Variants in CTNND2 observed in about 807,000 individuals in gnomAD.
CTNND2 encodes the protein catenin delta-2.
In CTNND2, 22 loss-of-function variants were observed where a neutral mutation model predicts 144.4. That is an observed-to-expected ratio of 0.15 (90% CI 0.11 to 0.22). CTNND2 has a LOEUF of 0.22. Ranked by LOEUF, CTNND2 falls within the 10% of genes least tolerant of loss-of-function variation. CTNND2 has a pLI of 1.00. For synonymous variants in CTNND2, 751 were observed against 695.6 expected (o/e 1.08, Z -1.25); for missense variants, 1,353 against 1,618.8 (o/e 0.84, Z 2.82).
intron 2 of CTNND2, among the ~76,000 whole-genome samples, chr5:11,710,659 A>T (rs912514552): frequency 1.3e-5 from 2 of 152,196 alleles, no homozygotes; most frequent in Non-Finnish European, 2.9e-5. Context: ...CAGATCTAGG[A>T]AACAGGAACT....
At chr5:11,338,607 C>G (rs887818320) in intron 9 of CTNND2, among the ~76,000 whole-genome samples, 1 of 152,192 alleles carries the variant, frequency 6.6e-6, no homozygotes, top group Non-Finnish European at 1.5e-5. Context: ...GATTGCCTGT[C>G]TCTCATTACT....
intron 2 of CTNND2, among the ~76,000 whole-genome samples, chr5:11,592,034 C>T (rs1387111500): frequency 1.3e-5 from 2 of 150,992 alleles, no homozygotes; most frequent in Non-Finnish European, 2.9e-5. Flanking sequence ...CTTCATAGAG[C>T]TTCATCTCTC....
At position 11,903,461 on chromosome 5, in the gene CTNND2, A is replaced by G; in HGVS notation, c.37+356T>C. The G allele has an allele frequency of 2.7e-6, 2 of 749,326 alleles. No individual in the cohort carries two copies. Among genetic ancestry groups the G allele is most frequent in the East Asian group, 1.2e-4 (1 of 8,634 alleles). The allele number at this position is 749,326 out of a possible 1,614,324, so 46.4% of individuals were successfully genotyped here. A position where few individuals can be genotyped will look rare whatever the true frequency, so the allele number is the denominator to read the frequency against. On this transcript the variant is annotated intron_variant, in intron 1 of 21. Transcript: ENST00000304623. This position sits in a 1 kb window ranked among gnomAD's most constrained non-coding sequence, Gnocchi z 5.4. ...CCCCGTCTCCTCCCGTATATTAGGG[A>G]CGTCATGAATGCACCGAGTATGTTC...
chr5:11,527,546 C>T (rs1335557985), intron 3 of CTNND2, among the ~76,000 whole-genome samples: 3 of 152,172 alleles, frequency 2.0e-5, no homozygotes, highest in African/African-American at 7.2e-5. Context: ...AGCCCCTTCC[C>T]TTTATCTCCA....
intron 4 of CTNND2, 134 bp from the exon 5 acceptor site, chr5:11,411,786 T>A: frequency 2.8e-6 from 2 of 726,378 alleles, no homozygotes; most frequent in Non-Finnish European, 4.5e-6. Flanking sequence ...GCTATTCCAT[T>A]TTAATTTTTG....
intron 7 of CTNND2, among the ~76,000 whole-genome samples, chr5:11,382,731 C>T (rs1351475926): frequency 6.6e-6 from 1 of 151,640 alleles, no homozygotes; most frequent in African/African-American, 2.4e-5. Context: ...ATCACAACCC[C>T]GAAATTCCAA....
chr5:11,743,753 T>C (rs72734956), intron 1 of CTNND2, among the ~76,000 whole-genome samples: 2,519 of 152,154 alleles, frequency 0.017, 27 homozygotes, highest in Middle Eastern at 0.034. Flanking sequence ...GGAGAGCTGG[T>C]GGGATCTCAG....
At chr5:11,470,980 A>ATATATATATATATATATATATATATTT (rs1219093645) in intron 3 of CTNND2, among the ~76,000 whole-genome samples, 1 of 91,582 alleles carries the variant, frequency 1.1e-5, no homozygotes, top group African/African-American at 5.7e-5. Context: ...ATATATATAT[A>ATATATATATATATATATATATATATTT]TTTTTTTTTT....
rs150590009 is a variant in CTNND2 at position 11,141,514 on chromosome 5, A to G, written c.2159+18062T>C. On this transcript the variant is annotated intron_variant, in intron 12 of 21. Transcript: ENST00000304623. ...GTAAAAATATCCTTTGGGGATGCTT[A>G]GTTATTCTAAGAATAGTTATAGATC... Among the ~76,000 whole-genome samples, 161 of 152,320 alleles carry G rather than the reference A, an allele frequency of 1.1e-3. 1 individual carries two copies. The highest frequency in any genetic ancestry group is 3.8e-3 in the African/African-American group (157 of 41,574).
chr5:11,666,624 G>A (rs1783581793), intron 2 of CTNND2, among the ~76,000 whole-genome samples: 2 of 152,170 alleles, frequency 1.3e-5, no homozygotes, highest in Admixed American at 1.3e-4. Context: ...TTATGCCACT[G>A]AGTCTTAGAG....
chr5:11,772,997 T>A (rs1263914196), intron 1 of CTNND2, among the ~76,000 whole-genome samples: 1 of 152,222 alleles, frequency 6.6e-6, no homozygotes, highest in Non-Finnish European at 1.5e-5. Context: ...CAGATCATCA[T>A]CCATTATCAG....
intron 1 of CTNND2, among the ~76,000 whole-genome samples, chr5:11,808,768 GC>G (rs1792148699): frequency 6.6e-6 from 1 of 152,120 alleles, no homozygotes; most frequent in African/African-American, 2.4e-5. Flanking sequence ...GTTTCTCTAA[GC>G]CTGTTTGTTC....
At chr5:11,498,079 A>C (rs1355553342) in intron 3 of CTNND2, among the ~76,000 whole-genome samples, 1 of 152,192 alleles carries the variant, frequency 6.6e-6, no homozygotes, top group Non-Finnish European at 1.5e-5. Context: ...GAACTGGCAA[A>C]TTGGAGGTCA....
At chr5:11,428,432 C>T (rs1470798198) in intron 3 of CTNND2, among the ~76,000 whole-genome samples, 1 of 152,200 alleles carries the variant, frequency 6.6e-6, no homozygotes, top group Non-Finnish European at 1.5e-5. Context: ...GTCTCAGCCA[C>T]TTGCCTTAGA....
At chr5:11,523,850 C>T (rs528718926) in intron 3 of CTNND2, among the ~76,000 whole-genome samples, 18 of 152,284 alleles carry the variant, frequency 1.2e-4, no homozygotes, top group Admixed American at 4.6e-4. Context: ...AACAATGAGC[C>T]CATGTTGCTG....
intron 16 of CTNND2, among the ~76,000 whole-genome samples, chr5:11,074,009 A>G (rs1748638088): frequency 6.6e-6 from 1 of 152,268 alleles, no homozygotes; most frequent in South Asian, 2.1e-4. Flanking sequence ...GATCAACGTA[A>G]TAAAGTGAAC....
At chr5:11,326,989 T>G (rs1477347852) in intron 9 of CTNND2, among the ~76,000 whole-genome samples, 2 of 152,190 alleles carry the variant, frequency 1.3e-5, no homozygotes, top group Non-Finnish European at 2.9e-5. Flanking sequence ...ATTGGTGACT[T>G]CTGATGATTG....
intron 1 of CTNND2, among the ~76,000 whole-genome samples, chr5:11,781,590 G>T (rs990479807): frequency 2.0e-5 from 3 of 152,154 alleles, no homozygotes; most frequent in Non-Finnish European, 4.4e-5. Flanking sequence ...GTTAAGACAG[G>T]TTTTGAAATG....
chr5:11,437,559 G>T (rs1763879316), intron 3 of CTNND2, among the ~76,000 whole-genome samples: 1 of 152,318 alleles, frequency 6.6e-6, no homozygotes, highest in Admixed American at 6.5e-5. Flanking sequence ...ACTGAGGGGA[G>T]TAAATAAGGG....
Sources: allele counts gnomAD v4.1 joint callset (sites outside exome capture counted in the v4.1 genomes callset), GRCh38; gene constraint gnomAD v4.1.1; non-coding constraint Gnocchi (gnomAD v3.1); transcripts MANE v1.5; gene names NCBI Gene and HGNC (gene_info 2026-07-23, HGNC 2026-07-21).